The following NMT1 variants were observed in gnomAD, a reference collection of about 807,000 sequenced individuals.
NMT1 encodes the protein glycylpeptide N-tetradecanoyltransferase 1.
A neutral mutation model predicts 63.4 loss-of-function variants in NMT1; 12 were observed. That is an observed-to-expected ratio of 0.19 (90% CI 0.12 to 0.31). The LOEUF is 0.31. Among genes scored for constraint, NMT1 ranks in the 10% least tolerant of loss-of-function variants. NMT1 has a pLI of 1.00. For missense variants in NMT1, 432 were observed against 634.6 expected, an observed-to-expected ratio of 0.68 and a Z score of 3.43; for synonymous variants, 228 against 234.3, an observed-to-expected ratio of 0.97 and a Z score of 0.25.
intron 4 of NMT1, 136 bp from the exon 5 acceptor site, chr17:45,096,058 G>C: frequency 1.5e-6 from 1 of 665,314 alleles, no homozygotes; most frequent in Non-Finnish European, 2.7e-6. Context: ...ATGCCAGGGG[G>C]CAGAAGGATT....
intron 8 of NMT1, among the ~76,000 whole-genome samples, chr17:45,101,360 C>T (rs1441543443): frequency 6.7e-6 from 1 of 149,920 alleles, no homozygotes; most frequent in African/African-American, 2.4e-5. Flanking sequence ...GGCGGTGGCT[C>T]ACGCCTGTAA....
chr17:45,083,406 C>T (rs2054029956), intron 2 of NMT1, among the ~76,000 whole-genome samples: 1 of 151,992 alleles, frequency 6.6e-6, no homozygotes, highest in African/African-American at 2.4e-5. Flanking sequence ...ATATTCATTC[C>T]AATATACCCA....
intron 2 of NMT1, among the ~76,000 whole-genome samples, chr17:45,085,287 T>C (rs1199791355): frequency 6.6e-6 from 1 of 152,034 alleles, no homozygotes; most frequent in Non-Finnish European, 1.5e-5. Flanking sequence ...CATTGTTGTA[T>C]TACTAAAGAA....
At chr17:45,064,666 T>C (rs1373018489) in intron 1 of NMT1, among the ~76,000 whole-genome samples, 1 of 152,044 alleles carries the variant, frequency 6.6e-6, no homozygotes, top group African/African-American at 2.4e-5. Context: ...CTACTAAAAA[T>C]ACAAAAATTA....
intron 3 of NMT1, among the ~76,000 whole-genome samples, chr17:45,092,651 AG>A (rs748514413): frequency 2.2e-4 from 33 of 151,254 alleles, no homozygotes; most frequent in Non-Finnish European, 3.4e-4. Context: ...TGAAGGTTGC[AG>A]TGAGCCAAGA....
intron 1 of NMT1, among the ~76,000 whole-genome samples, chr17:45,066,468 ATGTGGT>A (rs1226788270): frequency 2.0e-5 from 3 of 151,720 alleles, no homozygotes; most frequent in East Asian, 2.0e-4. Context: ...ATAAAACTTC[ATGTGGT>A]TGTGTGTAGT....
At chr17:45,084,807 C>G (rs761786484) in intron 2 of NMT1, among the ~76,000 whole-genome samples, 2 of 152,074 alleles carry the variant, frequency 1.3e-5, no homozygotes, top group Admixed American at 6.6e-5. Context: ...AGGAGCTACT[C>G]TCATACACTG....
chr17:45,065,641 A>G (rs1022296856), intron 1 of NMT1, among the ~76,000 whole-genome samples: 6 of 151,402 alleles, frequency 4.0e-5, no homozygotes, highest in Non-Finnish European at 4.4e-5. Context: ...AAAAAAAAAA[A>G]AAAGAAATAC....
intron 1 of NMT1, among the ~76,000 whole-genome samples, chr17:45,067,816 G>A (rs917371043): frequency 6.6e-6 from 1 of 152,206 alleles, no homozygotes; most frequent in East Asian, 1.9e-4. Context: ...CTGCTTCAAA[G>A]AGAAGAGACT....
At chr17:45,099,791 G>T in intron 8 of NMT1, 1 of 413,652 alleles carries the variant, frequency 2.4e-6, no homozygotes, top group Non-Finnish European at 4.5e-6. Flanking sequence ...TGTAATTTTA[G>T]CCTAAGTAAA....
intron 1 of NMT1, among the ~76,000 whole-genome samples, chr17:45,073,164 C>G (rs1246266277): frequency 1.3e-5 from 2 of 151,936 alleles, no homozygotes; most frequent in Admixed American, 6.6e-5. Flanking sequence ...GGCTCACACC[C>G]GTAATCCCAG....
intron 1 of NMT1, among the ~76,000 whole-genome samples, chr17:45,063,519 T>A (rs2053881839): frequency 6.6e-6 from 1 of 152,226 alleles, no homozygotes. Context: ...TTTATTTTTA[T>A]CTTCTTAACT....
rs2054214603 is a variant in NMT1, at chr17:45,108,067, GT to G, written c.*2429del. 1 of 152,248 alleles carries G rather than the reference GT, an allele frequency of 6.6e-6. No homozygotes were observed. The highest frequency in any genetic ancestry group is 2.4e-5 in the African/African-American group (1 of 41,442). 9.4% of individuals were successfully genotyped at this position (152,248 alleles called of 1,614,324 possible). A position where few individuals can be genotyped will look rare whatever the true frequency, so the allele number is the denominator to read the frequency against. ...AGGGCCTCCCCACAGGAGCCCTGCA[GT>G]GTGGTAGCGCCATGGCTGTCTCAAA... On this transcript the variant is annotated 3_prime_UTR_variant, in exon 12 of 12. Transcript: ENST00000258960.
At chr17:45,090,562 C>G (rs1311729820) in intron 3 of NMT1, among the ~76,000 whole-genome samples, 1 of 152,174 alleles carries the variant, frequency 6.6e-6, no homozygotes, top group Non-Finnish European at 1.5e-5. Context: ...CAGAGAGAAG[C>G]TTCCCCTCTC....
At chr17:45,064,452 A>G (rs1463915715) in intron 1 of NMT1, among the ~76,000 whole-genome samples, 2 of 152,188 alleles carry the variant, frequency 1.3e-5, no homozygotes, top group Non-Finnish European at 2.9e-5. Context: ...TTGAGAGGAA[A>G]TGGTTTTGGG....
chr17:45,071,850 C>G (rs773249916), intron 1 of NMT1, among the ~76,000 whole-genome samples: 56 of 152,326 alleles, frequency 3.7e-4, no homozygotes, highest in Non-Finnish European at 5.4e-4. Flanking sequence ...CCTCCCGCCT[C>G]AGCTTCCTCA....
At chr17:45,068,435 G>A (rs1257939262) in intron 1 of NMT1, among the ~76,000 whole-genome samples, 2 of 152,160 alleles carry the variant, frequency 1.3e-5, no homozygotes, top group Non-Finnish European at 2.9e-5. Flanking sequence ...TGGCGCCATT[G>A]CACTTCAGTC....
At position 45,107,055 on chromosome 17, in the gene NMT1, A is replaced by G. The variant is rs1406881834; in HGVS notation, c.*1416A>G. The stretch of plus-strand genomic sequence containing the variant: ...GAGAAGCAAGTGGTGGGAAGGAGGT[A>G]GCATGACGTGTGGTGTGCGGGTTTC... On this transcript the variant is annotated 3_prime_UTR_variant, in exon 12 of 12. Coordinates refer to ENST00000258960, the MANE Select transcript of NMT1 (RefSeq NM_021079.5). 1 of 152,216 alleles carries G rather than the reference A, an allele frequency of 6.6e-6. No individual in the cohort carries two copies. Among genetic ancestry groups the G allele is most frequent in the South Asian group, 2.1e-4 (1 of 4,834 alleles). 9.4% of individuals were successfully genotyped at this position (152,216 alleles called of 1,614,324 possible). A position where few individuals can be genotyped will look rare whatever the true frequency, so the allele number is the denominator to read the frequency against.
intron 1 of NMT1, among the ~76,000 whole-genome samples, chr17:45,068,220 C>T (rs975618292): frequency 1.3e-5 from 2 of 152,164 alleles, no homozygotes; most frequent in Non-Finnish European, 2.9e-5. Context: ...CAAAAATGTC[C>T]CAGCACTTTG....
Sources: allele counts gnomAD v4.1 joint callset (sites outside exome capture counted in the v4.1 genomes callset), GRCh38; gene constraint gnomAD v4.1.1; transcripts MANE v1.5; gene names NCBI Gene and HGNC (gene_info 2026-07-23, HGNC 2026-07-21).